The following MYCBP2 variants were observed in gnomAD, a reference collection of about 807,000 sequenced individuals.
The protein encoded by MYCBP2 is E3 ubiquitin-protein ligase MYCBP2.
Under a neutral mutation model 525.3 loss-of-function variants are expected in MYCBP2, and 120 were observed. The observed-to-expected ratio is 0.23, with a 90% CI of 0.20 to 0.27. MYCBP2 has a LOEUF of 0.27. Among genes scored for constraint, MYCBP2 ranks in the 10% least tolerant of loss-of-function variants. The probability of loss-of-function intolerance (pLI) is 1.00; values close to 1 mark genes in which losing one functional copy is unlikely to be tolerated. For missense variants in MYCBP2, 4,149 were observed against 5,657.1 expected (o/e 0.73, Z 8.55); for synonymous variants, 1,894 against 1,955.8 (o/e 0.97, Z 0.83).
intron 1 of MYCBP2, among the ~76,000 whole-genome samples, chr13:77,303,700 CG>C (rs1567207897): frequency 6.6e-6 from 1 of 151,516 alleles, no homozygotes; most frequent in African/African-American, 2.4e-5. Context: ...ATAACAAAAT[CG>C]GTAGAATGCT....
At chr13:77,224,638 C>T in intron 19 of MYCBP2, 106 bp from the exon 20 acceptor site, 1 of 606,518 alleles carries the variant, frequency 1.6e-6, no homozygotes, top group Non-Finnish European at 2.8e-6. Context: ...ATTTATAGAA[C>T]CATTAAAAAT....
chr13:77,107,288 C>T, intron 55 of MYCBP2, among the ~76,000 whole-genome samples: 1 of 152,054 alleles, frequency 6.6e-6, no homozygotes. Context: ...TTATTTAAAA[C>T]ATATTTAGAA....
intron 49 of MYCBP2, among the ~76,000 whole-genome samples, chr13:77,141,797 A>AG (rs2054683889): frequency 6.6e-6 from 1 of 151,564 alleles, no homozygotes; most frequent in African/African-American, 2.4e-5. Context: ...AAGTATACAT[A>AG]GAGAAAATTT....
intron 72 of MYCBP2, 23 bp from the exon 73 acceptor site, chr13:77,064,757 T>G (rs540624244): frequency 1.3e-6 from 2 of 1,593,054 alleles, no homozygotes; most frequent in East Asian, 4.5e-5. Flanking sequence ...ACAGAGTATT[T>G]TAATAAGTGA....
At chr13:77,246,614 AAAGAAG>A (rs760121263) in intron 15 of MYCBP2, among the ~76,000 whole-genome samples, 2 of 150,448 alleles carry the variant, frequency 1.3e-5, no homozygotes, top group Non-Finnish European at 1.5e-5. Context: ...GGAGGAGAAG[AAAGAAG>A]AAGGAGAAGG....
chr13:77,241,499 G>GA (rs1326090950), intron 17 of MYCBP2, among the ~76,000 whole-genome samples: 1 of 152,020 alleles, frequency 6.6e-6, no homozygotes, highest in Non-Finnish European at 1.5e-5. Context: ...TAACTAATCT[G>GA]AAAAAATTAT....
intron 1 of MYCBP2, among the ~76,000 whole-genome samples, chr13:77,308,442 C>G (rs1469902805): frequency 1.3e-5 from 2 of 152,202 alleles, no homozygotes; most frequent in African/African-American, 4.8e-5. Context: ...CTGTCATTTA[C>G]CAGCACTGTG....
At chr13:77,294,791 C>G (rs141742109) in intron 2 of MYCBP2, among the ~76,000 whole-genome samples, 1 of 152,318 alleles carries the variant, frequency 6.6e-6, no homozygotes, top group East Asian at 1.9e-4. Flanking sequence ...ATACAGTGAA[C>G]AGATTATTTT....
intron 1 of MYCBP2, among the ~76,000 whole-genome samples, chr13:77,322,819 C>G (rs1006887848): frequency 2.6e-5 from 4 of 152,200 alleles, no homozygotes; most frequent in African/African-American, 9.6e-5. Flanking sequence ...ACAGATCATA[C>G]ATTCCTTCAT....
intron 39 of MYCBP2, among the ~76,000 whole-genome samples, chr13:77,169,163 C>T (rs527408726): frequency 3.5e-4 from 53 of 152,182 alleles, no homozygotes; most frequent in African/African-American, 5.8e-4. Flanking sequence ...AATCCCAGCA[C>T]TTTGGGAGGG....
chr13:77,182,236 T>C (rs1242372611), intron 32 of MYCBP2, among the ~76,000 whole-genome samples: 2 of 152,164 alleles, frequency 1.3e-5, no homozygotes, highest in African/African-American at 4.8e-5. Context: ...CAAAGGGAGA[T>C]GCCAAAAAGG....
At chr13:77,143,687 G>A (rs1213579713) in intron 49 of MYCBP2, among the ~76,000 whole-genome samples, 1 of 152,152 alleles carries the variant, frequency 6.6e-6, no homozygotes, top group African/African-American at 2.4e-5. Context: ...GAAATGTTCT[G>A]AGAAATGAAT....
intron 22 of MYCBP2, among the ~76,000 whole-genome samples, chr13:77,211,589 C>A (rs922456760): frequency 3.3e-5 from 5 of 152,016 alleles, no homozygotes; most frequent in African/African-American, 1.2e-4. Context: ...ATAACTTGGT[C>A]TTCGTGAAAT....
At chr13:77,218,986 T>C (rs988735899) in intron 20 of MYCBP2, among the ~76,000 whole-genome samples, 1 of 152,150 alleles carries the variant, frequency 6.6e-6, no homozygotes, top group Non-Finnish European at 1.5e-5. Flanking sequence ...TTGATGAAAC[T>C]TGGCAGATGA....
intron 44 of MYCBP2, among the ~76,000 whole-genome samples, chr13:77,159,607 G>A (rs912269594): frequency 6.6e-6 from 1 of 152,272 alleles, no homozygotes; most frequent in Non-Finnish European, 1.5e-5. Context: ...CTTCCCCCTT[G>A]CTGTTTTCCT....
intron 65 of MYCBP2, among the ~76,000 whole-genome samples, chr13:77,080,129 C>T (rs903522235): frequency 6.6e-6 from 1 of 152,118 alleles, no homozygotes; most frequent in South Asian, 2.1e-4. Flanking sequence ...AGTAGTTACA[C>T]CAGTGGAAAT....
chr13:77,093,658 AG>A (rs1307211012), intron 58 of MYCBP2, among the ~76,000 whole-genome samples: 1 of 152,152 alleles, frequency 6.6e-6, no homozygotes, highest in Admixed American at 6.5e-5. Flanking sequence ...TAGTAGGCTT[AG>A]CCCTCTATCA....
intron 52 of MYCBP2, among the ~76,000 whole-genome samples, chr13:77,133,877 A>T (rs2053315471): frequency 6.6e-6 from 1 of 152,210 alleles, no homozygotes; most frequent in Non-Finnish European, 1.5e-5. Flanking sequence ...TAATTATGTG[A>T]ATATGGTATG....
chr13:77,174,393 T>C lies in MYCBP2; in HGVS notation c.5569A>G (p.Thr1857Ala). The C allele has an allele frequency of 6.2e-7, 1 of 1,614,178 alleles. No homozygotes were observed. The highest frequency in any genetic ancestry group is 1.1e-5 in the South Asian group (1 of 91,088). Residue 1857 changes from threonine (T) to alanine (A), a missense_variant, in exon 37 of 83, where the codon ACA (threonine) becomes GCA (alanine). Thr to Ala is a moderately conservative substitution (Grantham distance 58). Transcript: ENST00000544440. ...MTTVQCPDGVTFTFSTCSLSS... is the reference protein window; with the variant it reads ...MTTVQCPDGVAFTFSTCSLSS... ...AAGCTGCACGTGCTGAATGTGAATGTCACACCATCAGGGCACTGAACTGTG... is the reference window on the plus strand; with the variant it reads ...AAGCTGCACGTGCTGAATGTGAATGCCACACCATCAGGGCACTGAACTGTG...
Sources: gnomAD v4.1 joint callset for allele counts (sites outside exome capture counted in the v4.1 genomes callset) on GRCh38, gnomAD v4.1.1 for gene constraint, MANE v1.5 for transcripts, NCBI Gene and HGNC (gene_info 2026-07-23, HGNC 2026-07-21) for gene names.